The following MMEL1 variants were observed in gnomAD, a reference collection of about 807,000 sequenced individuals.
MMEL1 encodes membrane metalloendopeptidase like 1, also known as membrane metallo-endopeptidase-like 1.
MMEL1 carries 98 observed loss-of-function variants against 117.1 expected under a neutral mutation model. The ratio of observed to expected loss-of-function variants is 0.84; its 90% CI spans 0.71 to 0.99. The LOEUF (loss-of-function observed/expected upper bound fraction) is 0.99, where lower values mean the gene tolerates loss of function less well. MMEL1 is among the 50% of genes least tolerant of loss of function. The probability of loss-of-function intolerance (pLI) is 0.00; values close to 1 mark genes in which losing one functional copy is unlikely to be tolerated. For synonymous variants in MMEL1, 390 were observed against 415.1 expected, an observed-to-expected ratio of 0.94 and a Z score of 0.74; for missense variants, 1,014 against 1,049.1, an observed-to-expected ratio of 0.97 and a Z score of 0.46.
At chr1:2,625,187 C>G (rs1638222712) in intron 2 of MMEL1, among the ~76,000 whole-genome samples, 1 of 152,184 alleles carries the variant, frequency 6.6e-6, no homozygotes, top group Non-Finnish European at 1.5e-5. Flanking sequence ...ACCAATCATG[C>G]CTTCCCAACA....
At chr1:2,624,145 C>T (rs969396334) in intron 2 of MMEL1, among the ~76,000 whole-genome samples, 7 of 152,224 alleles carry the variant, frequency 4.6e-5, no homozygotes, top group African/African-American at 1.7e-4. Flanking sequence ...CCACCTCCAG[C>T]CCGAGCCTAG....
chr1:2,612,210 G>A lies in MMEL1; in HGVS notation c.155-6C>T, dbSNP rs1224701716. On this transcript the variant is annotated splice_polypyrimidine_tract_variant and splice_region_variant and intron_variant, in intron 2 of 23. Transcript: ENST00000378412. This position sits in a 1 kb window ranked among gnomAD's most constrained non-coding sequence, Gnocchi z 5.4. ...AAGGCGTGGCAGCTGCTTCCCTGGG[G>A]AGAAACACAGCGCTCAGCTGCGGCC... 2 of 1,565,004 alleles carry A rather than the reference G, an allele frequency of 1.3e-6. No homozygotes were observed. The highest frequency in any genetic ancestry group is 8.7e-7 in the Non-Finnish European group (1 of 1,153,844).
Position 2,612,341 on chromosome 1 carries a change from C to G in MMEL1, c.155-137G>C. On this transcript the variant is annotated intron_variant, in intron 2 of 23. Coordinates refer to ENST00000378412, the MANE Select transcript of MMEL1 (RefSeq NM_033467.4). This position sits in a 1 kb window ranked among gnomAD's most constrained non-coding sequence, Gnocchi z 5.4. Reference sequence around the variant, plus strand: ...CCTACCCCTGTAGTGAGGGCTGGTCCCCAGGGCAGCGAGACAGGAGATCCA... The same window carrying G: ...CCTACCCCTGTAGTGAGGGCTGGTCGCCAGGGCAGCGAGACAGGAGATCCA... 1.5e-6 allele frequency: 1 copy of G among 668,962 alleles called. No homozygotes were observed. Among genetic ancestry groups the G allele is most frequent in the East Asian group, 2.7e-5 (1 of 36,678 alleles). The allele number at this position is 668,962 out of a possible 1,614,324, so 41.4% of individuals were successfully genotyped here. A position where few individuals can be genotyped will look rare whatever the true frequency, so the allele number is the denominator to read the frequency against.
intron 2 of MMEL1, among the ~76,000 whole-genome samples, chr1:2,623,905 T>A (rs1441505724): frequency 2.0e-5 from 3 of 151,786 alleles, no homozygotes; most frequent in African/African-American, 7.3e-5. Flanking sequence ...TGTAGGAGGG[T>A]CAGGAGTAAA....
chr1:2,615,451 C>T (rs1209249705), intron 2 of MMEL1, among the ~76,000 whole-genome samples: 1 of 152,008 alleles, frequency 6.6e-6, no homozygotes, highest in East Asian at 1.9e-4. Context: ...GTCAAGATCA[C>T]AAAAAACAAA....
intron 8 of MMEL1, among the ~76,000 whole-genome samples, chr1:2,606,010 G>C (rs368602648): frequency 6.6e-6 from 1 of 152,156 alleles, no homozygotes; most frequent in South Asian, 2.1e-4. Flanking sequence ...AGGAGCCCCC[G>C]CCCCTCTGAC....
chr1:2,610,897 C>T (rs1645114740), intron 4 of MMEL1, among the ~76,000 whole-genome samples: 1 of 152,258 alleles, frequency 6.6e-6, no homozygotes, highest in Non-Finnish European at 1.5e-5. Flanking sequence ...AGCATGTTAA[C>T]AGTTTTTGTC....
chr1:2,598,935 G>A (rs1048020321), intron 11 of MMEL1, 145 bp from the exon 12 acceptor site: 2 of 685,634 alleles, frequency 2.9e-6, no homozygotes, highest in African/African-American at 3.6e-5. Flanking sequence ...AAGGGTGGGT[G>A]ACATTATTAC....
chr1:2,603,452 G>A (rs1029271927), intron 11 of MMEL1, among the ~76,000 whole-genome samples: 12 of 152,152 alleles, frequency 7.9e-5, no homozygotes, highest in African/African-American at 2.7e-4. Flanking sequence ...GCAGGGGAGC[G>A]CCTGAGGGTG....
At chr1:2,599,328 C>A (rs1644894935) in intron 11 of MMEL1, among the ~76,000 whole-genome samples, 1 of 152,126 alleles carries the variant, frequency 6.6e-6, no homozygotes, top group Non-Finnish European at 1.5e-5. Context: ...TACAAAAGTT[C>A]TAAGCAAAAT....
rs769453897 is a variant in MMEL1 at position 2,592,744 on chromosome 1, G to T, written c.2002-24C>A. 1.9e-6 allele frequency: 3 copies of T among 1,610,566 alleles called. No individual in the cohort carries two copies. The South Asian group carries it at 3.3e-5, about 18-fold the overall frequency. ...ACCTGCGCACAGGAGACAGGATTGG[G>T]GCAGCCCCGGCCCTGACTTCCCTCT... is the stretch of plus-strand genomic sequence containing the variant. On this transcript the variant is annotated intron_variant, in intron 20 of 23. Transcript: ENST00000378412.
intron 8 of MMEL1, 136 bp downstream of exon 8, chr1:2,606,112 G>C: frequency 1.4e-6 from 1 of 702,630 alleles, no homozygotes; most frequent in Non-Finnish European, 2.5e-6. Context: ...CACGGACGTG[G>C]ACAGGAGCCA....
chr1:2,615,629 G>T (rs1287094323), intron 2 of MMEL1, among the ~76,000 whole-genome samples: 2 of 152,168 alleles, frequency 1.3e-5, no homozygotes, highest in East Asian at 3.8e-4. Flanking sequence ...TATCACTATT[G>T]GTTCACTACT....
intron 13 of MMEL1, among the ~76,000 whole-genome samples, chr1:2,596,942 G>A (rs1043205959): frequency 6.6e-6 from 1 of 152,060 alleles, no homozygotes; most frequent in African/African-American, 2.4e-5. Flanking sequence ...GAGTTGGGGG[G>A]GTTCCTCCCC....
At chr1:2,608,974 C>T (rs1462086260) in intron 6 of MMEL1, among the ~76,000 whole-genome samples, 2 of 152,024 alleles carry the variant, frequency 1.3e-5, no homozygotes, top group African/African-American at 4.8e-5. Context: ...ACAACACACA[C>T]ATATGCATAT....
At chr1:2,597,996 C>T (rs1432244793) in intron 13 of MMEL1, among the ~76,000 whole-genome samples, 1 of 152,238 alleles carries the variant, frequency 6.6e-6, no homozygotes, top group African/African-American at 2.4e-5. Context: ...TCCCTGCCTC[C>T]CCGCCACATC....
intron 1 of MMEL1, chr1:2,632,579 G>T: frequency 5.6e-6 from 1 of 178,048 alleles, no homozygotes. Context: ...ACCCGGGGCA[G>T]GTGTGGAGTG....
In MMEL1 at chr1:2,593,858, C is replaced by T. The variant is rs994286126; in HGVS notation, c.1823G>A (p.Gly608Glu). 3 of 1,612,484 alleles carry T rather than the reference C, an allele frequency of 1.9e-6. No homozygotes were observed. The African/African-American group carries it at 4.0e-5, about 22-fold the overall frequency. The stretch of plus-strand genomic sequence containing the variant: ...CGTGATCTCGTGCCCGATCACCATC[C>T]CAATGCCTCCAAAGTTCAAGGCCTG... ...QPQALNFGGI[G>E]MVIGHEITHG... The change falls in exon 19 of 24, where the codon GGG becomes GAG. Residue 608 changes from glycine to glutamate, a missense_variant. Gly to Glu is a moderately conservative substitution (Grantham distance 98). Transcript: ENST00000378412.
rs1644710325 is a variant in MMEL1 at position 2,591,586 on chromosome 1, C to G, written c.2211G>C (p.Lys737Asn). Reference sequence around the variant, plus strand: ...ACTTCAGGGGACTGTGGACGTCTGTCTTGATGGATTGGATGGCGAACTCGG... The same window carrying G: ...ACTTCAGGGGACTGTGGACGTCTGTGTTGATGGATTGGATGGCGAACTCGG... ...YRPEFAIQSIKTDVHSPLKYR... is the reference protein window; with the variant it reads ...YRPEFAIQSINTDVHSPLKYR... The change falls in exon 23 of 24, where the codon AAG (lysine) becomes AAC (asparagine). Residue 737 changes from lysine to asparagine, a missense_variant. Transcript: ENST00000378412. 6.2e-7 allele frequency: 1 copy of G among 1,609,172 alleles called. No homozygotes were observed. Among genetic ancestry groups the G allele is most frequent in the Non-Finnish European group, 8.5e-7 (1 of 1,178,110 alleles).
Sources: allele counts gnomAD v4.1 joint callset (sites outside exome capture counted in the v4.1 genomes callset), GRCh38; gene constraint gnomAD v4.1.1; non-coding constraint Gnocchi (gnomAD v3.1); transcripts MANE v1.5; gene names NCBI Gene and HGNC (gene_info 2026-07-23, HGNC 2026-07-21).